The following SCFD1 variants were observed in gnomAD, a reference collection of about 807,000 sequenced individuals.
The protein encoded by SCFD1 is sec1 family domain-containing protein 1.
Under a neutral mutation model 103.2 loss-of-function variants are expected in SCFD1, and 37 were observed. That is an observed-to-expected ratio of 0.36 (90% CI 0.28 to 0.47). The LOEUF (loss-of-function observed/expected upper bound fraction) is 0.47, where lower values mean the gene tolerates loss of function less well. Among genes scored for constraint, SCFD1 ranks in the 20% least tolerant of loss-of-function variants. The pLI is 1.00. For synonymous variants in SCFD1, 264 were observed against 245.0 expected (o/e 1.08, Z -0.73); for missense variants, 639 against 761.2 (o/e 0.84, Z 1.89).
rs76319354 is a variant in SCFD1 at position 30,701,958 on chromosome 14, G to A, written c.1411-338G>A. On this transcript the variant is annotated intron_variant, in intron 16 of 24. Coordinates refer to ENST00000458591, the MANE Select transcript of SCFD1 (RefSeq NM_016106.4). The stretch of plus-strand genomic sequence containing the variant: ...GTGTTTCTGGTTTAGAAATATTCTT[G>A]GTCAAACCAAATCATTCATTTAGTG... Among the ~76,000 whole-genome samples the A allele has an allele frequency of 6.8e-3, 1,039 of 152,232 alleles. 11 individuals carry two copies. The highest frequency in any genetic ancestry group is 0.024 in the African/African-American group (999 of 41,536).
chr14:30,696,624 A>G (rs1309916965), intron 15 of SCFD1, among the ~76,000 whole-genome samples: 3 of 152,208 alleles, frequency 2.0e-5, no homozygotes, highest in Non-Finnish European at 4.4e-5. Context: ...TGGCATGTCA[A>G]AGTTCAGGAA....
chr14:30,630,592 G>A (rs992562803), intron 3 of SCFD1, 27 bp downstream of exon 3: 1 of 1,272,310 alleles, frequency 7.9e-7, no homozygotes, highest in Non-Finnish European at 1.1e-6. Context: ...TTCTAATAGT[G>A]GTATTCATTT....
chr14:30,722,612 A>T, intron 23 of SCFD1, 53 bp downstream of exon 23: 1 of 1,095,950 alleles, frequency 9.1e-7, no homozygotes, highest in Admixed American at 2.0e-5. Flanking sequence ...CATAGGTAGA[A>T]CACTAGCATA....
At chr14:30,692,967 G>T (rs924413705) in intron 14 of SCFD1, among the ~76,000 whole-genome samples, 1 of 152,042 alleles carries the variant, frequency 6.6e-6, no homozygotes, top group African/African-American at 2.4e-5. Context: ...CTTTTTCCTA[G>T]AATCTCATAT....
intron 15 of SCFD1, among the ~76,000 whole-genome samples, chr14:30,698,504 C>A (rs1278615462): frequency 6.6e-6 from 1 of 152,140 alleles, no homozygotes; most frequent in Non-Finnish European, 1.5e-5. Flanking sequence ...TTAGAAAAGG[C>A]TGTGCTAGAT....
intron 10 of SCFD1, among the ~76,000 whole-genome samples, chr14:30,661,249 CT>C (rs1444803178): frequency 9.2e-5 from 14 of 152,108 alleles, no homozygotes; most frequent in African/African-American, 3.4e-4. Context: ...TGTTTTAATC[CT>C]TGCTCTACTC....
At position 30,708,070 on chromosome 14, in the gene SCFD1, G is replaced by A; in HGVS notation, c.1629+5G>A. ...AACCTGGTTTTGAAACAGCAAGTAA[G>A]TACACTTGTTAGAAAACATACTGGT... On this transcript the variant is annotated splice_donor_5th_base_variant and intron_variant, in intron 19 of 24. Coordinates refer to ENST00000458591, the MANE Select transcript of SCFD1 (RefSeq NM_016106.4). 1 of 1,584,768 alleles carries A rather than the reference G, an allele frequency of 6.3e-7. No individual in the cohort carries two copies. The highest frequency in any genetic ancestry group is 8.7e-7 in the Non-Finnish European group (1 of 1,153,428).
intron 7 of SCFD1, among the ~76,000 whole-genome samples, chr14:30,644,477 G>A (rs563346594): frequency 3.9e-5 from 6 of 152,304 alleles, no homozygotes; most frequent in South Asian, 2.1e-4. Context: ...CAGCGTATAA[G>A]TGTTCCCTTT....
Position 30,722,554 on chromosome 14 carries a change from A to C in SCFD1, c.1831A>C (p.Ile611Leu). 6.3e-7 allele frequency: 1 copy of C among 1,593,692 alleles called. No homozygotes were observed. ...YIEYQNLVDY[I>L]KGKQGKHILY... ...TGAATATCAGAATCTTGTTGACTAC[A>C]TAAAGGTACATTTTATTTAGCCTTT... The change falls in exon 23 of 25, where the codon ATA becomes CTA. Residue 611 changes from isoleucine to leucine, a missense_variant. By Grantham distance (5) the Ile-to-Leu change is conservative. Coordinates refer to ENST00000458591, the MANE Select transcript of SCFD1 (RefSeq NM_016106.4).
At chr14:30,674,249 C>A (rs181315134) in intron 13 of SCFD1, among the ~76,000 whole-genome samples, 27 of 152,200 alleles carry the variant, frequency 1.8e-4, no homozygotes, top group African/African-American at 6.3e-4. Flanking sequence ...GAGGAAAATA[C>A]TATTAATGAT....
At chr14:30,713,084 A>G (rs1252611985) in intron 19 of SCFD1, among the ~76,000 whole-genome samples, 1 of 152,158 alleles carries the variant, frequency 6.6e-6, no homozygotes, top group Admixed American at 6.5e-5. Flanking sequence ...CCTGGTATGT[A>G]AATTATTCTA....
At chr14:30,706,647 A>G (rs1475735108) in intron 18 of SCFD1, among the ~76,000 whole-genome samples, 1 of 152,122 alleles carries the variant, frequency 6.6e-6, no homozygotes. Flanking sequence ...ATGACATCTT[A>G]CTCCAGAGAC....
intron 17 of SCFD1, among the ~76,000 whole-genome samples, chr14:30,702,635 G>A (rs1891158968): frequency 6.6e-6 from 1 of 152,118 alleles, no homozygotes; most frequent in Non-Finnish European, 1.5e-5. Flanking sequence ...GAAATGTCTG[G>A]AGTCAAATGT....
chr14:30,633,896 GT>G, intron 3 of SCFD1, 50 bp from the exon 4 acceptor site: 1 of 1,085,664 alleles, frequency 9.2e-7, no homozygotes, highest in Admixed American at 2.1e-5. Context: ...GAGGAATATT[GT>G]TTTAAATAAG....
At chr14:30,639,264 G>C (rs1885036748) in intron 5 of SCFD1, among the ~76,000 whole-genome samples, 1 of 152,068 alleles carries the variant, frequency 6.6e-6, no homozygotes, top group Admixed American at 6.5e-5. Flanking sequence ...TGGGATTACA[G>C]GTGCAAGCCA....
chr14:30,720,056 C>G (rs1382762665), intron 21 of SCFD1, among the ~76,000 whole-genome samples: 1 of 152,092 alleles, frequency 6.6e-6, no homozygotes, highest in Non-Finnish European at 1.5e-5. Context: ...TTGCCTGTTC[C>G]TTATGTTTGG....
intron 17 of SCFD1, among the ~76,000 whole-genome samples, chr14:30,703,910 CATATAT>C (rs71443380): frequency 0.011 from 450 of 39,330 alleles, 4 homozygotes; most frequent in Non-Finnish European, 0.022. Flanking sequence ...GGAATATTTG[CATATAT>C]ATATATATAT....
intron 6 of SCFD1, among the ~76,000 whole-genome samples, chr14:30,641,073 TGTAA>T (rs1444441703): frequency 1.3e-5 from 2 of 151,954 alleles, no homozygotes; most frequent in African/African-American, 4.8e-5. Context: ...CAGACATAGC[TGTAA>T]GTAACTTGAT....
At chr14:30,705,109 T>A (rs1230874111) in intron 17 of SCFD1, among the ~76,000 whole-genome samples, 1 of 152,186 alleles carries the variant, frequency 6.6e-6, no homozygotes, top group Non-Finnish European at 1.5e-5. Context: ...TAGAAAGAGT[T>A]GAAAATAAAC....
Sources: gnomAD v4.1 joint callset for allele counts (sites outside exome capture counted in the v4.1 genomes callset) on GRCh38, gnomAD v4.1.1 for gene constraint, MANE v1.5 for transcripts, NCBI Gene and HGNC (gene_info 2026-07-23, HGNC 2026-07-21) for gene names.